The following EIF5B variants were observed in gnomAD, a reference collection of about 807,000 sequenced individuals.
The protein encoded by EIF5B is eukaryotic translation initiation factor 5B.
Under a neutral mutation model 147.5 loss-of-function variants are expected in EIF5B, and 47 were observed. The observed-to-expected ratio is 0.32, with a 90% CI of 0.25 to 0.41. EIF5B has a LOEUF of 0.41. EIF5B is among the 10% of genes least tolerant of loss of function. The probability of loss-of-function intolerance (pLI) is 1.00; values close to 1 mark genes in which losing one functional copy is unlikely to be tolerated. For synonymous variants in EIF5B, 455 were observed against 456.2 expected (o/e 1.00, Z 0.03); for missense variants, 1,064 against 1,413.2 (o/e 0.75, Z 3.96).
intron 14 of EIF5B, among the ~76,000 whole-genome samples, chr2:99,384,938 A>G (rs140042019): frequency 2.6e-5 from 4 of 152,350 alleles, no homozygotes; most frequent in Non-Finnish European, 5.9e-5. Flanking sequence ...TAGGATAGCA[A>G]TCAACTTAAT....
intron 20 of EIF5B, 55 bp downstream of exon 20, chr2:99,394,640 T>C: frequency 3.1e-6 from 5 of 1,611,750 alleles, no homozygotes; most frequent in Non-Finnish European, 4.2e-6. Context: ...ATCTTAAAAC[T>C]GTCCTATCTT....
chr2:99,343,538 C>T (rs1305066192), intron 1 of EIF5B, among the ~76,000 whole-genome samples: 1 of 151,972 alleles, frequency 6.6e-6, no homozygotes, highest in Non-Finnish European at 1.5e-5. Flanking sequence ...TTATTGCTGG[C>T]CGGGCACAGT....
Position 99,368,583 on chromosome 2 carries a change from G to A in EIF5B, c.1379G>A (p.Ser460Asn), listed in dbSNP as rs541177514. 1.2e-6 allele frequency: 2 copies of A among 1,611,584 alleles called. No individual in the cohort carries two copies. Among genetic ancestry groups the A allele is most frequent in the East Asian group, 2.2e-5 (1 of 44,756 alleles). The part of the protein sequence containing the change: ...KRKKIPQQLE[S>N]KEVSESMELC... ...AAAAAAATACCACAGCAGCTAGAAA[G>A]TAAAGAAGGTTTGTATACAAAATAG... Residue 460 changes from serine to asparagine, a missense_variant, in exon 7 of 24, where the codon AGT (serine) becomes AAT (asparagine). This residue lies in a region of EIF5B where 31 missense variants were observed against 60.1 expected (regional missense o/e 0.52). Transcript: ENST00000289371.
intron 9 of EIF5B, 129 bp from the exon 10 acceptor site, chr2:99,376,218 A>G: frequency 1.7e-6 from 1 of 584,890 alleles, no homozygotes; most frequent in Non-Finnish European, 2.9e-6. Flanking sequence ...GTGTGGCCCA[A>G]GACAATTCTT....
chr2:99,396,485 C>T (rs1675050060), intron 21 of EIF5B, among the ~76,000 whole-genome samples: 1 of 152,164 alleles, frequency 6.6e-6, no homozygotes, highest in African/African-American at 2.4e-5. Context: ...ACAGAATGCT[C>T]CTGTGATGCA....
intron 1 of EIF5B, among the ~76,000 whole-genome samples, chr2:99,354,717 G>T (rs1674055261): frequency 6.6e-6 from 1 of 151,612 alleles, no homozygotes; most frequent in African/African-American, 2.4e-5. Context: ...TGTGTGATAG[G>T]TGTCCATTTG....
intron 22 of EIF5B, chr2:99,397,583 T>C (rs947746127): frequency 6.6e-6 from 1 of 152,248 alleles, no homozygotes; most frequent in Admixed American, 6.5e-5. Context: ...GTTAGAATTA[T>C]TGGAAAGACA....
At chr2:99,352,776 A>G (rs759726064) in intron 1 of EIF5B, among the ~76,000 whole-genome samples, 8 of 151,490 alleles carry the variant, frequency 5.3e-5, no homozygotes, top group Non-Finnish European at 2.9e-5. Context: ...TGCCTGGCCT[A>G]TTTTGTTAAC....
At chr2:99,387,972 C>T (rs1314784045) in intron 14 of EIF5B, among the ~76,000 whole-genome samples, 1 of 152,162 alleles carries the variant, frequency 6.6e-6, no homozygotes, top group Non-Finnish European at 1.5e-5. Flanking sequence ...CATGCCTGGC[C>T]AGGCCTTCTT....
chr2:99,392,857 C>T (rs1674965465), intron 17 of EIF5B, 110 bp from the exon 18 acceptor site: 2 of 986,140 alleles, frequency 2.0e-6, no homozygotes, highest in Non-Finnish European at 2.7e-6. Flanking sequence ...GCTTTTTGTG[C>T]CTCGTTTAAG....
chr2:99,372,165 C>T (rs1378134079), intron 9 of EIF5B, among the ~76,000 whole-genome samples: 7 of 152,076 alleles, frequency 4.6e-5, no homozygotes, highest in Admixed American at 3.3e-4. Flanking sequence ...GTTAATTTTA[C>T]TAACTTACTG....
At chr2:99,359,172 C>T (rs1031947416) in intron 1 of EIF5B, among the ~76,000 whole-genome samples, 2 of 151,186 alleles carry the variant, frequency 1.3e-5, no homozygotes, top group African/African-American at 4.9e-5. Flanking sequence ...ACCAGCCTGG[C>T]CAATATGGTG....
At chr2:99,370,101 T>G (rs1241171207) in intron 8 of EIF5B, among the ~76,000 whole-genome samples, 1 of 152,158 alleles carries the variant, frequency 6.6e-6, no homozygotes, top group South Asian at 2.1e-4. Context: ...CAGAAGCAAA[T>G]TGGAAGGATT....
chr2:99,361,763 G>T lies in EIF5B; in HGVS notation c.862G>T (p.Asp288Tyr), dbSNP rs1674219849. Residue 288 changes from aspartate (D) to tyrosine (Y), a missense_variant, in exon 4 of 24, where the codon GAT (aspartate) becomes TAT (tyrosine). Asp to Tyr is a radical substitution (Grantham distance 160). Transcript: ENST00000289371. ...EETVKSKVTV[D>Y]TGVIPASEEK... ...AACTGTAAAATCCAAAGTGACTGTTGATACTGGAGTAATTCCTGCCTCTGA... is the reference window on the plus strand; with the variant it reads ...AACTGTAAAATCCAAAGTGACTGTTTATACTGGAGTAATTCCTGCCTCTGA... The T allele has an allele frequency of 6.3e-7, 1 of 1,580,286 alleles. No homozygotes were observed. Among genetic ancestry groups the T allele is most frequent in the African/African-American group, 1.4e-5 (1 of 72,724 alleles).
At chr2:99,344,113 G>T (rs2094267281) in intron 1 of EIF5B, among the ~76,000 whole-genome samples, 1 of 151,808 alleles carries the variant, frequency 6.6e-6, no homozygotes, top group Non-Finnish European at 1.5e-5. Flanking sequence ...TAGAGACGGG[G>T]TTTCACCATG....
At chr2:99,376,896 T>G (rs944243558) in intron 10 of EIF5B, among the ~76,000 whole-genome samples, 5 of 152,186 alleles carry the variant, frequency 3.3e-5, no homozygotes, top group African/African-American at 1.2e-4. Flanking sequence ...ATGTACTCTT[T>G]GAGTGATAGT....
intron 1 of EIF5B, among the ~76,000 whole-genome samples, chr2:99,357,831 G>T (rs1674127392): frequency 6.6e-6 from 1 of 152,164 alleles, no homozygotes; most frequent in Admixed American, 6.5e-5. Flanking sequence ...TACCTGAAGA[G>T]ACCTGAGAAT....
chr2:99,390,573 T>C lies in EIF5B; in HGVS notation c.2616T>C (p.Thr872=). The C allele has an allele frequency of 6.2e-7, 1 of 1,612,812 alleles. No homozygotes were observed. Among genetic ancestry groups the C allele is most frequent in the Non-Finnish European group, 8.5e-7 (1 of 1,178,926 alleles). The change falls in exon 17 of 24, where the codon ACT becomes ACC. Residue 872 remains threonine (T), a synonymous_variant. Transcript: ENST00000289371. ...AAGCTCTCCCGGGGATGGGCACCACTATAGATGTCATCTTGATCAATGGGC... is the reference window on the plus strand; with the variant it reads ...AAGCTCTCCCGGGGATGGGCACCACCATAGATGTCATCTTGATCAATGGGC... The part of the protein sequence containing the change: ...EVKALPGMGT[T]IDVILINGRL...
intron 22 of EIF5B, chr2:99,397,778 G>T (rs964498052): frequency 1.3e-5 from 2 of 152,120 alleles, no homozygotes; most frequent in African/African-American, 4.8e-5. Flanking sequence ...TTTCTCAACA[G>T]CCTTTATCCC....
Sources: allele counts gnomAD v4.1 joint callset (sites outside exome capture counted in the v4.1 genomes callset), GRCh38; gene constraint gnomAD v4.1.1; regional missense constraint gnomAD v4.1.1; transcripts MANE v1.5; gene names NCBI Gene and HGNC (gene_info 2026-07-23, HGNC 2026-07-21).